Variants in ERC2 observed in about 807,000 individuals in gnomAD.
ERC2 encodes the protein ELKS/RAB6-interacting/CAST family member 2.
Under a neutral mutation model 114.8 loss-of-function variants are expected in ERC2, and 42 were observed. The ratio of observed to expected loss-of-function variants is 0.37; its 90% CI spans 0.29 to 0.47. The LOEUF is 0.47. Ranked by LOEUF, ERC2 falls within the 20% of genes least tolerant of loss-of-function variation. The pLI is 0.99. For missense variants in ERC2, 939 were observed against 1,150.7 expected (o/e 0.82, Z 2.66); for synonymous variants, 454 against 425.5 (o/e 1.07, Z -0.82).
At chr3:55,895,365 C>G (rs182196654) in intron 13 of ERC2, among the ~76,000 whole-genome samples, 11 of 152,284 alleles carry the variant, frequency 7.2e-5, no homozygotes, top group African/African-American at 2.6e-4. Flanking sequence ...CTAGACGTTA[C>G]TGACCTCTCT....
At chr3:55,640,548 C>T (rs1012786105) in intron 17 of ERC2, among the ~76,000 whole-genome samples, 1 of 152,168 alleles carries the variant, frequency 6.6e-6, no homozygotes, top group Admixed American at 6.5e-5. Context: ...GCTTCCTCCC[C>T]TAGAGATTGA....
chr3:55,989,967 C>T (rs2070928078), intron 11 of ERC2, among the ~76,000 whole-genome samples: 1 of 152,214 alleles, frequency 6.6e-6, no homozygotes. Context: ...AGTTTCACAT[C>T]TTTCTGACTA....
At chr3:55,638,110 G>C (rs2060029431) in intron 17 of ERC2, among the ~76,000 whole-genome samples, 1 of 152,040 alleles carries the variant, frequency 6.6e-6, no homozygotes, top group African/African-American at 2.4e-5. Context: ...GCTGGCCCAG[G>C]GCCCCATTCC....
intron 2 of ERC2, among the ~76,000 whole-genome samples, chr3:56,344,892 C>T (rs1181928954): frequency 6.6e-6 from 1 of 152,194 alleles, no homozygotes; most frequent in Non-Finnish European, 1.5e-5. Flanking sequence ...GGGAGATATA[C>T]AACACATCCT....
chr3:56,309,373 T>C (rs564833335), intron 2 of ERC2, among the ~76,000 whole-genome samples: 110 of 152,364 alleles, frequency 7.2e-4, no homozygotes, highest in African/African-American at 2.6e-3. Flanking sequence ...GAAAGCCCTC[T>C]TGGCAGTTGC....
chr3:56,439,505 C>T (rs1394066540), intron 1 of ERC2, among the ~76,000 whole-genome samples: 2 of 152,128 alleles, frequency 1.3e-5, no homozygotes, highest in Non-Finnish European at 2.9e-5. Context: ...TTCACTTTTT[C>T]ACTATGTTTA....
chr3:55,981,243 T>G (rs141065513), intron 12 of ERC2, among the ~76,000 whole-genome samples: 12 of 152,374 alleles, frequency 7.9e-5, no homozygotes, highest in Admixed American at 2.0e-4. Context: ...TCAGCCGATT[T>G]CTGGCTTTCT....
intron 6 of ERC2, among the ~76,000 whole-genome samples, chr3:56,084,183 G>A (rs1192451437): frequency 6.6e-6 from 1 of 152,122 alleles, no homozygotes; most frequent in African/African-American, 2.4e-5. Flanking sequence ...ATCCCAACCA[G>A]AATAGCTATT....
intron 3 of ERC2, among the ~76,000 whole-genome samples, chr3:56,220,621 C>G (rs1336841611): frequency 6.6e-6 from 1 of 152,238 alleles, no homozygotes; most frequent in Admixed American, 6.5e-5. Flanking sequence ...GCACTGACCA[C>G]TGAACAGTGC....
intron 17 of ERC2, among the ~76,000 whole-genome samples, chr3:55,558,242 G>A (rs1333791623): frequency 6.6e-6 from 1 of 152,192 alleles, no homozygotes; most frequent in Non-Finnish European, 1.5e-5. Flanking sequence ...GTAGAACAAT[G>A]TCTGGTTTTG....
chr3:55,730,251 T>C (rs2065174858), intron 15 of ERC2, among the ~76,000 whole-genome samples: 1 of 152,186 alleles, frequency 6.6e-6, no homozygotes, highest in South Asian at 2.1e-4. Flanking sequence ...TATAGTCTCT[T>C]GGACTTTGGT....
At chr3:55,688,760 G>A (rs768040605) in intron 16 of ERC2, among the ~76,000 whole-genome samples, 3 of 151,250 alleles carry the variant, frequency 2.0e-5, no homozygotes, top group Non-Finnish European at 2.9e-5. Flanking sequence ...CCTTCATACT[G>A]TGCCATGATT....
intron 3 of ERC2, among the ~76,000 whole-genome samples, chr3:56,223,016 G>T (rs2150154528): frequency 6.6e-6 from 1 of 152,288 alleles, no homozygotes; most frequent in East Asian, 1.9e-4. Flanking sequence ...ATCCCCAGCT[G>T]GGTGCCTCTT....
intron 14 of ERC2, among the ~76,000 whole-genome samples, chr3:55,824,580 T>G (rs919933635): frequency 2.0e-5 from 3 of 152,222 alleles, no homozygotes; most frequent in African/African-American, 7.2e-5. Flanking sequence ...GGTGGAATGA[T>G]TATTTATGTT....
Position 55,508,479 on chromosome 3 carries a change from G to A in ERC2, c.*2837C>T, listed in dbSNP as rs905583819. The A allele has an allele frequency of 6.6e-6, 1 of 152,526 alleles. No individual in the cohort carries two copies. The highest frequency in any genetic ancestry group is 1.5e-5 in the Non-Finnish European group (1 of 68,024). The allele number at this position is 152,526 out of a possible 1,614,324, so 9.4% of individuals were successfully genotyped here. A position where few individuals can be genotyped will look rare whatever the true frequency, so the allele number is the denominator to read the frequency against. On this transcript the variant is annotated 3_prime_UTR_variant, in exon 18 of 18. Coordinates refer to ENST00000288221, the MANE Select transcript of ERC2 (RefSeq NM_015576.3). ...TACATGCCCACTGGTAGTTTCCAGG[G>A]TTCCTTAGTTTTATTTATTTATTTT...
At chr3:55,588,469 T>A (rs2057706739) in intron 17 of ERC2, among the ~76,000 whole-genome samples, 1 of 152,196 alleles carries the variant, frequency 6.6e-6, no homozygotes, top group Non-Finnish European at 1.5e-5. Flanking sequence ...GAAGGAATGT[T>A]AAAAAGACAC....
rs185975054 is a variant in ERC2, at chr3:56,172,954, C to T, written c.1149+492G>A. ...TTAGTAAAGTGTTATTACTTCCAAACTTGGTTAGGAGAAAATACTGGGGTC... is the reference window on the plus strand; with the variant it reads ...TTAGTAAAGTGTTATTACTTCCAAATTTGGTTAGGAGAAAATACTGGGGTC... On this transcript the variant is annotated intron_variant, in intron 4 of 17. Coordinates refer to ENST00000288221, the MANE Select transcript of ERC2 (RefSeq NM_015576.3). Among the ~76,000 whole-genome samples the T allele has an allele frequency of 1.4e-3, 209 of 152,250 alleles. 3 individuals are homozygous for T. The highest frequency in any genetic ancestry group is 0.011 in the Admixed American group (173 of 15,292).
intron 14 of ERC2, among the ~76,000 whole-genome samples, chr3:55,883,123 A>T (rs1040213737): frequency 6.6e-6 from 1 of 152,246 alleles, no homozygotes; most frequent in Non-Finnish European, 1.5e-5. Flanking sequence ...GAATATTTAT[A>T]CATTTTTTAA....
At chr3:56,431,188 T>C (rs1212827117) in intron 2 of ERC2, among the ~76,000 whole-genome samples, 1 of 152,188 alleles carries the variant, frequency 6.6e-6, no homozygotes, top group Non-Finnish European at 1.5e-5. Flanking sequence ...GCACTAGCAG[T>C]ATAATAGAAA....
Sources: allele counts gnomAD v4.1 joint callset (sites outside exome capture counted in the v4.1 genomes callset), GRCh38; gene constraint gnomAD v4.1.1; transcripts MANE v1.5; gene names NCBI Gene and HGNC (gene_info 2026-07-23, HGNC 2026-07-21).